CDK14: variants seen among roughly 807,000 people sequenced by gnomAD.
CDK14 encodes the protein cyclin-dependent kinase 14.
In CDK14, 34 loss-of-function variants were observed where a neutral mutation model predicts 60.7. That is an observed-to-expected ratio of 0.56 (90% CI 0.43 to 0.75). The LOEUF (loss-of-function observed/expected upper bound fraction) is 0.75, where lower values mean the gene tolerates loss of function less well. CDK14 is among the 30% of genes least tolerant of loss of function. The pLI is 0.00. For synonymous variants in CDK14, 197 were observed against 203.7 expected (o/e 0.97, Z 0.28); for missense variants, 482 against 564.1 (o/e 0.85, Z 1.47).
At chr7:90,762,074 G>A (rs765275857) in intron 4 of CDK14, among the ~76,000 whole-genome samples, 2 of 152,058 alleles carry the variant, frequency 1.3e-5, no homozygotes, top group South Asian at 4.2e-4. Flanking sequence ...CATAAGAGAG[G>A]GGTATAGATA....
chr7:90,606,030 T>A (rs1799411152), intron 2 of CDK14, among the ~76,000 whole-genome samples: 1 of 152,238 alleles, frequency 6.6e-6, no homozygotes, highest in Non-Finnish European at 1.5e-5. Flanking sequence ...GTCAAAATCA[T>A]CCTTAGCTTT....
chr7:91,062,115 C>G (rs1420774298), intron 11 of CDK14, among the ~76,000 whole-genome samples: 1 of 152,230 alleles, frequency 6.6e-6, no homozygotes, highest in Non-Finnish European at 1.5e-5. Flanking sequence ...ACCCCTCCCC[C>G]AGCCTCGCTG....
chr7:91,072,629 A>T (rs547291689), intron 11 of CDK14, among the ~76,000 whole-genome samples: 1 of 152,252 alleles, frequency 6.6e-6, no homozygotes, highest in East Asian at 1.9e-4. Context: ...CCTTCAAACG[A>T]TCGCAACAGC....
intron 14 of CDK14, among the ~76,000 whole-genome samples, chr7:91,154,623 G>C (rs1054083483): frequency 6.6e-6 from 1 of 152,026 alleles, no homozygotes; most frequent in Admixed American, 6.6e-5. Flanking sequence ...TCAAATCCTG[G>C]CTTCTCTTAC....
chr7:90,642,752 T>TGTTAA (rs1800368829), intron 2 of CDK14, among the ~76,000 whole-genome samples: 1 of 152,150 alleles, frequency 6.6e-6, no homozygotes, highest in Non-Finnish European at 1.5e-5. Context: ...CCAATTTTTC[T>TGTTAA]CATTTACATT....
At chr7:91,102,198 T>C (rs981585828) in intron 12 of CDK14, among the ~76,000 whole-genome samples, 1 of 152,108 alleles carries the variant, frequency 6.6e-6, no homozygotes, top group African/African-American at 2.4e-5. Flanking sequence ...CTGTGAAGAG[T>C]GTGACGGTGC....
At chr7:91,105,307 G>A (rs890983666) in intron 12 of CDK14, among the ~76,000 whole-genome samples, 4 of 152,220 alleles carry the variant, frequency 2.6e-5, no homozygotes, top group African/African-American at 9.6e-5. Context: ...CACACAGAGT[G>A]GGGACCCTCA....
chr7:90,807,578 TG>T (rs1788907773), intron 5 of CDK14, among the ~76,000 whole-genome samples: 2 of 152,202 alleles, frequency 1.3e-5, no homozygotes, highest in Admixed American at 6.5e-5. Context: ...TCCAAAGGAA[TG>T]CAGCTCCTCA....
chr7:90,787,230 G>A (rs1411772997), intron 4 of CDK14, among the ~76,000 whole-genome samples: 2 of 152,116 alleles, frequency 1.3e-5, no homozygotes, highest in Non-Finnish European at 2.9e-5. Flanking sequence ...GCTGATTAGT[G>A]GTCTTTGCTC....
At chr7:91,052,724 A>G (rs1797426372) in intron 11 of CDK14, among the ~76,000 whole-genome samples, 1 of 152,178 alleles carries the variant, frequency 6.6e-6, no homozygotes, top group Admixed American at 6.5e-5. Context: ...AAATAATTAT[A>G]TTTTCCAAAA....
At chr7:90,963,393 C>T (rs944918085) in intron 9 of CDK14, among the ~76,000 whole-genome samples, 1 of 151,314 alleles carries the variant, frequency 6.6e-6, no homozygotes, top group Non-Finnish European at 1.5e-5. Flanking sequence ...CCAGCCTGGC[C>T]CCAAGAGTGA....
intron 2 of CDK14, among the ~76,000 whole-genome samples, chr7:90,614,428 A>G (rs1799609494): frequency 9.8e-6 from 1 of 102,506 alleles, no homozygotes; most frequent in African/African-American, 3.8e-5. Context: ...AGGTCTCATC[A>G]GCGTCTTAAA....
intron 14 of CDK14, among the ~76,000 whole-genome samples, chr7:91,191,612 T>C (rs1287485409): frequency 6.6e-6 from 1 of 151,452 alleles, no homozygotes; most frequent in Admixed American, 6.6e-5. Flanking sequence ...ACAAACTGTG[T>C]TCAGATGGGG....
chr7:90,796,690 T>C (rs1165777831), intron 5 of CDK14, among the ~76,000 whole-genome samples: 2 of 152,102 alleles, frequency 1.3e-5, no homozygotes, highest in Non-Finnish European at 2.9e-5. Flanking sequence ...TAGACCTTGT[T>C]AGATTTCAAC....
At chr7:90,649,546 G>A (rs1384426422) in intron 2 of CDK14, among the ~76,000 whole-genome samples, 1 of 149,636 alleles carries the variant, frequency 6.7e-6, no homozygotes, top group Non-Finnish European at 1.5e-5. Context: ...GTGCCATGTT[G>A]GTTTGCTGCA....
chr7:90,945,516 A>G (rs1341047433), intron 8 of CDK14, among the ~76,000 whole-genome samples: 1 of 152,222 alleles, frequency 6.6e-6, no homozygotes, highest in Non-Finnish European at 1.5e-5. Context: ...TGGTTCTGGA[A>G]CTGCCTGAGC....
intron 5 of CDK14, among the ~76,000 whole-genome samples, chr7:90,812,752 A>G (rs1294397273): frequency 6.6e-6 from 1 of 152,234 alleles, no homozygotes; most frequent in African/African-American, 2.4e-5. Context: ...GTTATAATTG[A>G]GGGGACCAAC....
chr7:91,098,577 A>G (rs937150225), intron 12 of CDK14, among the ~76,000 whole-genome samples: 3 of 152,150 alleles, frequency 2.0e-5, no homozygotes, highest in Middle Eastern at 3.2e-3. Context: ...CATCTCTTCT[A>G]TATCAACATA....
At chr7:90,616,882 A>T (rs1364971022) in intron 2 of CDK14, among the ~76,000 whole-genome samples, 1 of 152,008 alleles carries the variant, frequency 6.6e-6, no homozygotes, top group Non-Finnish European at 1.5e-5. Flanking sequence ...TCATATATAT[A>T]TATGTGTGCC....
Sources: allele counts gnomAD v4.1 joint callset (sites outside exome capture counted in the v4.1 genomes callset), GRCh38; gene constraint gnomAD v4.1.1; transcripts MANE v1.5; gene names NCBI Gene and HGNC (gene_info 2026-07-23, HGNC 2026-07-21).